SLC26A7: variants seen among roughly 807,000 people sequenced by gnomAD.
The protein encoded by SLC26A7 is solute carrier family 26 member 7, also known as anion exchange transporter.
A neutral mutation model predicts 82.5 loss-of-function variants in SLC26A7; 59 were observed. The ratio of observed to expected loss-of-function variants is 0.72; its 90% confidence interval spans 0.58 to 0.89. The LOEUF (loss-of-function observed/expected upper bound fraction) is 0.89, where lower values mean the gene tolerates loss of function less well. SLC26A7 is among the 40% of genes least tolerant of loss of function. The pLI, the probability that SLC26A7 is intolerant of heterozygous loss-of-function variation, is 0.00. For synonymous variants in SLC26A7, 271 were observed against 274.3 expected (o/e 0.99, Z 0.12); for missense variants, 820 against 793.0 (o/e 1.03, Z -0.41).
At chr8:91,357,623 G>T (rs963632975) in intron 11 of SLC26A7, among the ~76,000 whole-genome samples, 4 of 152,138 alleles carry the variant, frequency 2.6e-5, no homozygotes, top group Admixed American at 6.6e-5. Context: ...ATGGATTAAA[G>T]ACTTAAATGT....
At chr8:91,378,216 A>G (rs1257432301) in intron 15 of SLC26A7, among the ~76,000 whole-genome samples, 1 of 151,912 alleles carries the variant, frequency 6.6e-6, no homozygotes, top group Non-Finnish European at 1.5e-5. Flanking sequence ...GGAAAAATGA[A>G]GGCAGAATCA....
chr8:91,373,443 A>G (rs1296733876), intron 15 of SLC26A7, among the ~76,000 whole-genome samples: 1 of 151,812 alleles, frequency 6.6e-6, no homozygotes, highest in Admixed American at 6.6e-5. Context: ...GGGATGTTGG[A>G]TTTTACTGAA....
intron 4 of SLC26A7, among the ~76,000 whole-genome samples, chr8:91,302,949 T>A (rs1812209255): frequency 6.6e-6 from 1 of 152,076 alleles, no homozygotes; most frequent in Non-Finnish European, 1.5e-5. Flanking sequence ...TTTCTGACAG[T>A]TGATAATGCA....
chr8:91,298,443 T>A (rs1242987767), intron 4 of SLC26A7, among the ~76,000 whole-genome samples: 1 of 152,158 alleles, frequency 6.6e-6, no homozygotes, highest in East Asian at 1.9e-4. Context: ...TTTCCTCCAA[T>A]GTCTTGTATG....
chr8:91,373,455 A>AT (rs1036895273), intron 15 of SLC26A7, among the ~76,000 whole-genome samples: 2 of 151,304 alleles, frequency 1.3e-5, no homozygotes, highest in Non-Finnish European at 3.0e-5. Flanking sequence ...TTTACTGAAT[A>AT]TTTTTTCTGA....
intron 4 of SLC26A7, among the ~76,000 whole-genome samples, chr8:91,303,070 C>G (rs192631067): frequency 6.7e-4 from 102 of 152,080 alleles, no homozygotes; most frequent in Admixed American, 1.7e-3. Context: ...CAGTTTTGTA[C>G]TATTAGTATT....
exon 2 of SLC26A7, chr8:91,218,896 A>C (rs1219976032): frequency 2.6e-6 from 4 of 1,543,684 alleles, no homozygotes; most frequent in Admixed American, 3.9e-5. Flanking sequence ...TTAGGACTGG[A>C]AGATAAGCAA....
intron 8 of SLC26A7, 200 bp from the exon 9 acceptor site, chr8:91,343,153 T>A: frequency 1.9e-6 from 1 of 524,056 alleles, no homozygotes; most frequent in Non-Finnish European, 3.4e-6. Context: ...ATTAAATGAG[T>A]AAAGTGCTTG....
chr8:91,300,554 C>T (rs1281976208), intron 4 of SLC26A7, among the ~76,000 whole-genome samples: 2 of 151,990 alleles, frequency 1.3e-5, no homozygotes, highest in South Asian at 2.1e-4. Flanking sequence ...CCCGCCACTA[C>T]GCCCGGCTAA....
intron 5 of SLC26A7, among the ~76,000 whole-genome samples, chr8:91,328,264 C>T (rs1198676441): frequency 6.6e-6 from 1 of 152,010 alleles, no homozygotes; most frequent in Non-Finnish European, 1.5e-5. Flanking sequence ...TAGCTATGGT[C>T]CCAGAGAGAT....
chr8:91,229,345 C>T (rs1810282404), intron 2 of SLC26A7, among the ~76,000 whole-genome samples: 1 of 152,144 alleles, frequency 6.6e-6, no homozygotes. Flanking sequence ...TGTCTTGCTC[C>T]ACTATAGTGT....
chr8:91,305,361 G>A (rs189158486), intron 4 of SLC26A7, among the ~76,000 whole-genome samples: 2 of 152,140 alleles, frequency 1.3e-5, no homozygotes, highest in East Asian at 1.9e-4. Flanking sequence ...TATTTTGTTA[G>A]ATCCATCTAG....
intron 11 of SLC26A7, among the ~76,000 whole-genome samples, chr8:91,359,727 G>A (rs568635733): frequency 6.6e-6 from 1 of 152,168 alleles, no homozygotes; most frequent in Admixed American, 6.5e-5. Context: ...GCATTCAAAG[G>A]ATTATTGGAC....
At chr8:91,231,920 A>G (rs1216542717) in intron 2 of SLC26A7, among the ~76,000 whole-genome samples, 1 of 152,148 alleles carries the variant, frequency 6.6e-6, no homozygotes, top group Non-Finnish European at 1.5e-5. Flanking sequence ...TGATATAATA[A>G]CAACTTCATA....
intron 2 of SLC26A7, among the ~76,000 whole-genome samples, chr8:91,233,548 C>T (rs895256019): frequency 6.6e-6 from 1 of 150,466 alleles, no homozygotes; most frequent in Non-Finnish European, 1.5e-5. Flanking sequence ...GCCTGGGCAA[C>T]AGAGCGGGAT....
At chr8:91,394,290 C>T in intron 18 of SLC26A7, 1 of 1,612,820 alleles carries the variant, frequency 6.2e-7, no homozygotes, top group South Asian at 1.1e-5. Context: ...GGGTGGTTGC[C>T]TATCATTTGC....
chr8:91,215,916 A>G (rs933901780), intron 1 of SLC26A7, among the ~76,000 whole-genome samples: 1 of 152,218 alleles, frequency 6.6e-6, no homozygotes, highest in African/African-American at 2.4e-5. Flanking sequence ...TGCCACAAAT[A>G]GAAATACAAA....
At chr8:91,225,038 C>G (rs915492355) in intron 2 of SLC26A7, among the ~76,000 whole-genome samples, 27 of 152,322 alleles carry the variant, frequency 1.8e-4, no homozygotes, top group African/African-American at 6.5e-4. Context: ...CTGGCCCCAG[C>G]AGGGGAAAAA....
At chr8:91,353,080 A>T in intron 11 of SLC26A7, 84 bp downstream of exon 11, 1 of 891,352 alleles carries the variant, frequency 1.1e-6, no homozygotes, top group Non-Finnish European at 1.7e-6. Flanking sequence ...TATTTGCAGA[A>T]AATAGATATT....
Sources: gnomAD v4.1 joint callset for allele counts (sites outside exome capture counted in the v4.1 genomes callset) on GRCh38, gnomAD v4.1.1 for gene constraint, MANE v1.5 for transcripts, NCBI Gene and HGNC (gene_info 2026-07-23, HGNC 2026-07-21) for gene names.